ANKS3: variants seen among roughly 807,000 people sequenced by gnomAD.
ANKS3 encodes the protein ankyrin repeat and sterile alpha motif domain containing 3.
ANKS3 carries 62 observed loss-of-function variants against 80.7 expected under a neutral mutation model. The ratio of observed to expected loss-of-function variants is 0.77; its 90% CI spans 0.63 to 0.95. The LOEUF (loss-of-function observed/expected upper bound fraction) is 0.95, where lower values mean the gene tolerates loss of function less well. Ranked by LOEUF, ANKS3 falls within the 40% of genes least tolerant of loss-of-function variation. The pLI is 0.00. For missense variants in ANKS3, 1,150 were observed against 883.6 expected (o/e 1.30, Z -3.82); for synonymous variants, 489 against 355.3 (o/e 1.38, Z -4.23).
chr16:4,718,621 A>C (rs2080931014), intron 6 of ANKS3, among the ~76,000 whole-genome samples: 2 of 152,236 alleles, frequency 1.3e-5, no homozygotes, highest in Admixed American at 1.3e-4. Context: ...CTCTGGCTCC[A>C]GGTGGTCTAA....
intron 6 of ANKS3, among the ~76,000 whole-genome samples, chr16:4,718,811 G>T (rs912092180): frequency 4.6e-5 from 7 of 152,184 alleles, no homozygotes; most frequent in East Asian, 1.9e-4. Flanking sequence ...GAAGAACTCA[G>T]TGTTGAGTTC....
Position 4,733,991 on chromosome 16 carries a change from C to T in ANKS3, c.-124G>A. 11 of 985,496 alleles carry T rather than the reference C, an allele frequency of 1.1e-5. No homozygotes were observed. The highest frequency in any genetic ancestry group is 1.3e-5 in the Non-Finnish European group (11 of 829,958). The allele number at this position is 985,496 out of a possible 1,614,324, so 61.0% of individuals were successfully genotyped here. Reference sequence around the variant, plus strand: ...CCACATCCCCACAGGAACGCTACGGCGCACAGGGCATTACTGTGCCCCCAC... The same window carrying T: ...CCACATCCCCACAGGAACGCTACGGTGCACAGGGCATTACTGTGCCCCCAC... On this transcript the variant is annotated 5_prime_UTR_variant, in exon 1 of 18. Transcript: ENST00000304283.
At chr16:4,721,161 T>C (rs986165714) in intron 6 of ANKS3, among the ~76,000 whole-genome samples, 1 of 150,008 alleles carries the variant, frequency 6.7e-6, no homozygotes, top group Non-Finnish European at 1.5e-5. Context: ...AAAAATTAGC[T>C]GGGCATGGTG....
intron 7 of ANKS3, 122 bp from the exon 8 acceptor site, chr16:4,705,375 G>T: frequency 8.3e-7 from 1 of 1,206,754 alleles, no homozygotes; most frequent in Non-Finnish European, 1.2e-6. Context: ...AAGGGTATCT[G>T]CCAGGGCATC....
At position 4,697,168 on chromosome 16, in the gene ANKS3, G is replaced by A. The variant is rs557832941; in HGVS notation, c.1895-64C>T. ...CAGGAGGGCTGGGTGGTGCTGCCCC[G>A]GGGTCTCAGCTGCAGGATGTGACCT... On this transcript the variant is annotated intron_variant, in intron 16 of 17. Coordinates refer to ENST00000304283, the MANE Select transcript of ANKS3 (RefSeq NM_133450.4). 6.6e-5 allele frequency: 105 copies of A among 1,581,724 alleles called. No homozygotes were observed. In the African/African-American group the frequency reaches 8.5e-4, roughly 13 times the overall value.
At chr16:4,703,728 T>G (rs1346274546) in intron 8 of ANKS3, among the ~76,000 whole-genome samples, 1 of 152,212 alleles carries the variant, frequency 6.6e-6, no homozygotes, top group Non-Finnish European at 1.5e-5. Flanking sequence ...TCTTAATTAC[T>G]GGCAAATAAA....
At position 4,699,035 on chromosome 16, in the gene ANKS3, G is replaced by A. The variant is rs775220732; in HGVS notation, c.1409+17C>T. ...CCAACCCCGGGCTGAGGGCCAGAGC[G>A]GCCCTTCTGGACGCACGTGATGCCA... On this transcript the variant is annotated intron_variant, in intron 12 of 17. Transcript: ENST00000304283. The A allele has an allele frequency of 8.7e-6, 14 of 1,614,146 alleles. No homozygotes were observed. The highest frequency in any genetic ancestry group is 1.0e-5 in the Non-Finnish European group (12 of 1,180,044).
At chr16:4,717,789 ACAC>A (rs1255325541) in intron 6 of ANKS3, among the ~76,000 whole-genome samples, 3 of 149,308 alleles carry the variant, frequency 2.0e-5, no homozygotes, top group African/African-American at 7.4e-5. Context: ...TTACAAACAC[ACAC>A]CACAACTGGC....
At chr16:4,715,742 G>C (rs2080761263) in intron 6 of ANKS3, among the ~76,000 whole-genome samples, 1 of 151,570 alleles carries the variant, frequency 6.6e-6, no homozygotes, top group Admixed American at 6.6e-5. Context: ...ATTTTTGATG[G>C]GGATTTTTCC....
intron 8 of ANKS3, among the ~76,000 whole-genome samples, chr16:4,703,038 G>A (rs1484818717): frequency 1.3e-5 from 2 of 152,136 alleles, no homozygotes; most frequent in African/African-American, 2.4e-5. Context: ...GGGACCATGG[G>A]GAACTTACTT....
intron 8 of ANKS3, among the ~76,000 whole-genome samples, chr16:4,704,168 G>A (rs1163852629): frequency 6.6e-6 from 1 of 152,204 alleles, no homozygotes; most frequent in Non-Finnish European, 1.5e-5. Context: ...TTCCCAGGAT[G>A]ATGGGAGAAG....
At chr16:4,720,458 T>C (rs1228632707) in intron 6 of ANKS3, among the ~76,000 whole-genome samples, 1 of 144,836 alleles carries the variant, frequency 6.9e-6, no homozygotes, top group Non-Finnish European at 1.5e-5. Flanking sequence ...AGAGACTCCA[T>C]CTCAAAAAAA....
chr16:4,719,414 C>A (rs1303634041), intron 6 of ANKS3, among the ~76,000 whole-genome samples: 2 of 152,114 alleles, frequency 1.3e-5, no homozygotes, highest in Non-Finnish European at 2.9e-5. Flanking sequence ...TAAAATGACT[C>A]TAAACTTACA....
At chr16:4,714,211 TA>T in intron 6 of ANKS3, 25 bp from the exon 7 acceptor site, 1 of 1,612,510 alleles carries the variant, frequency 6.2e-7, no homozygotes, top group South Asian at 1.1e-5. Flanking sequence ...GAAAGGGGGT[TA>T]GGGGCCTCTC....
chr16:4,713,584 A>G (rs1251121758), intron 7 of ANKS3, among the ~76,000 whole-genome samples: 1 of 152,206 alleles, frequency 6.6e-6, no homozygotes. Flanking sequence ...GCAAGACCCA[A>G]AAGTACATTG....
intron 6 of ANKS3, among the ~76,000 whole-genome samples, chr16:4,721,641 T>TATTG (rs1427228223): frequency 6.7e-6 from 1 of 149,958 alleles, no homozygotes; most frequent in African/African-American, 2.4e-5. Context: ...TTTATTTATT[T>TATTG]ATTTATTTAT....
At chr16:4,700,873 T>C (rs2142031813) in intron 11 of ANKS3, 97 bp downstream of exon 11, 3 of 1,492,184 alleles carry the variant, frequency 2.0e-6, no homozygotes, top group South Asian at 1.1e-5. Flanking sequence ...TCTGTTCTCC[T>C]AGCAGCGCCT....
rs750587619 is a variant in ANKS3, at chr16:4,698,030, C to T, written c.1757G>A (p.Arg586Lys). The change falls in exon 15 of 18, where the codon AGG becomes AAG. Residue 586 changes from arginine (R) to lysine (K), a missense_variant. Arg to Lys is a conservative substitution (Grantham distance 26). Coordinates refer to ENST00000304283, the MANE Select transcript of ANKS3 (RefSeq NM_133450.4). ...GGCTGCACCAGGGGGCTGGTCCTGC[C>T]TCACTCGAGATGACAGCTCAGCTTG... ...ACQAELSSRV[R>K]QDQPPGAATL... 1 of 1,609,636 alleles carries T rather than the reference C, an allele frequency of 6.2e-7. No homozygotes were observed. Among genetic ancestry groups the T allele is most frequent in the Admixed American group, 1.7e-5 (1 of 59,546 alleles).
rs199765749 is a variant in ANKS3, at chr16:4,698,484, C to G, written c.1667G>C (p.Arg556Pro). The change falls in exon 14 of 18, where the codon CGG (arginine) becomes CCG (proline). Residue 556 changes from arginine to proline, a missense_variant. Coordinates refer to ENST00000304283, the MANE Select transcript of ANKS3 (RefSeq NM_133450.4). ...QDRAREDLQA[R>P]LRETWALARD... ...GGCCAGGGCCCACGTCTCCCGCAGC[C>G]GGGCCTGGAGGTCCTCGCGGGCGCG... 4 of 1,550,496 alleles carry G rather than the reference C, an allele frequency of 2.6e-6. No homozygotes were observed. The Admixed American group carries it at 5.6e-5, about 22-fold the overall frequency.
Sources: gnomAD v4.1 joint callset for allele counts (sites outside exome capture counted in the v4.1 genomes callset) on GRCh38, gnomAD v4.1.1 for gene constraint, MANE v1.5 for transcripts, NCBI Gene and HGNC (gene_info 2026-07-23, HGNC 2026-07-21) for gene names.